RBFOX1: variants seen among roughly 807,000 people sequenced by gnomAD.
RBFOX1 encodes RNA binding protein fox-1 homolog 1.
RBFOX1 carries 8 observed loss-of-function variants against 57.7 expected under a neutral mutation model. The observed-to-expected ratio is 0.14, with a 90% confidence interval of 0.08 to 0.25. RBFOX1 has a LOEUF of 0.25. Ranked by LOEUF, RBFOX1 falls within the 10% of genes least tolerant of loss-of-function variation. RBFOX1 has a pLI of 1.00. For synonymous variants in RBFOX1, 326 were observed against 222.4 expected, an observed-to-expected ratio of 1.47 and a Z score of -4.15; for missense variants, 611 against 548.5, an observed-to-expected ratio of 1.11 and a Z score of -1.14.
intron 3 of RBFOX1, among the ~76,000 whole-genome samples, chr16:6,865,145 G>T (rs542019034): frequency 1.3e-5 from 2 of 151,692 alleles, no homozygotes; most frequent in East Asian, 3.9e-4. Context: ...TGGGATTACA[G>T]GTGCCCACCA....
chr16:7,504,770 TTTA>T (rs1403981416), intron 4 of RBFOX1, among the ~76,000 whole-genome samples: 3 of 12,112 alleles, frequency 2.5e-4, no homozygotes, highest in Non-Finnish European at 8.7e-4. Context: ...TATATATATA[TTTA>T]TATATATATA....
chr16:5,570,854 T>A (rs1052843736), intron 2 of RBFOX1, among the ~76,000 whole-genome samples: 14 of 126,850 alleles, frequency 1.1e-4, no homozygotes, highest in Admixed American at 1.6e-4. Flanking sequence ...AAAAAAAAAA[T>A]AAAGCATTTC....
At chr16:7,515,577 C>T (rs2076183497) in intron 4 of RBFOX1, among the ~76,000 whole-genome samples, 1 of 151,992 alleles carries the variant, frequency 6.6e-6, no homozygotes, top group Non-Finnish European at 1.5e-5. Flanking sequence ...ATACATATGT[C>T]AAAACATCAA....
At chr16:5,755,398 C>G (rs920949744) in intron 3 of RBFOX1, among the ~76,000 whole-genome samples, 7 of 152,168 alleles carry the variant, frequency 4.6e-5, no homozygotes, top group Admixed American at 3.3e-4. Flanking sequence ...GAGGCCAAGA[C>G]TGGGAGACCA....
At chr16:6,252,456 G>A (rs2097623828) in intron 1 of RBFOX1, among the ~76,000 whole-genome samples, 1 of 152,108 alleles carries the variant, frequency 6.6e-6, no homozygotes, top group Non-Finnish European at 1.5e-5. Flanking sequence ...GTGTAGTTTT[G>A]CAATGACTAT....
rs191691954 is a variant in RBFOX1, at chr16:7,194,615, G to A, written c.27+142517G>A. ...TCTACCCCTTTCCCAGAAACACTTC[G>A]TTTTATTACATTTAGAAAGTGGTGA... On this transcript the variant is annotated intron_variant, in intron 4 of 15. Coordinates refer to ENST00000550418, the MANE Select transcript of RBFOX1 (RefSeq NM_018723.4). 3.3e-5 allele frequency among the ~76,000 whole-genome samples: 5 copies of A among 152,144 alleles called. No individual in the cohort carries two copies. The East Asian group carries it at 7.7e-4, about 23-fold the overall frequency.
At chr16:5,258,904 G>T (rs1242644660) in intron 1 of RBFOX1, among the ~76,000 whole-genome samples, 2 of 150,502 alleles carry the variant, frequency 1.3e-5, no homozygotes, top group Admixed American at 6.6e-5. Flanking sequence ...TGGCAAGAAC[G>T]AATCTCTGAA....
chr16:5,653,302 A>C (rs1321094908), intron 3 of RBFOX1, among the ~76,000 whole-genome samples: 1 of 60,498 alleles, frequency 1.7e-5, no homozygotes, highest in Non-Finnish European at 3.3e-5. Context: ...GCTGGGCTTC[A>C]GTGCAGAAGG....
chr16:7,291,266 G>T (rs1440566199), intron 4 of RBFOX1, among the ~76,000 whole-genome samples: 1 of 152,142 alleles, frequency 6.6e-6, no homozygotes, highest in Non-Finnish European at 1.5e-5. Flanking sequence ...TTGAACAGAA[G>T]ACAGACATCC....
At chr16:5,255,322 T>TTCCTTCCATCCATCCATCCATCCA (rs2062557812) in intron 1 of RBFOX1, among the ~76,000 whole-genome samples, 9 of 119,372 alleles carry the variant, frequency 7.5e-5, no homozygotes, top group Non-Finnish European at 1.4e-4. Context: ...CCACACTTCC[T>TTCCTTCCATCCATCCATCCATCCA]TCCATCCATC....
chr16:5,538,001 A>G (rs967035522), intron 2 of RBFOX1, among the ~76,000 whole-genome samples: 1 of 152,216 alleles, frequency 6.6e-6, no homozygotes. Context: ...TAAGGTCAGC[A>G]TAAGAACCAC....
chr16:5,500,608 A>G (rs1383990036), intron 2 of RBFOX1, among the ~76,000 whole-genome samples: 9 of 152,160 alleles, frequency 5.9e-5, no homozygotes, highest in Admixed American at 5.9e-4. Context: ...GTCAGGACCT[A>G]GAGTTCTCTC....
At chr16:5,915,551 G>T (rs1232419659) in intron 4 of RBFOX1, among the ~76,000 whole-genome samples, 1 of 152,096 alleles carries the variant, frequency 6.6e-6, no homozygotes. Flanking sequence ...TAGAAGACAG[G>T]CTGGGCGCCG....
chr16:7,507,290 A>T (rs191351435), intron 4 of RBFOX1, among the ~76,000 whole-genome samples: 15 of 152,308 alleles, frequency 9.8e-5, no homozygotes, highest in African/African-American at 3.6e-4. Context: ...GTTTTCATGA[A>T]ACAATATAAA....
At chr16:6,924,353 G>T (rs560297075) in intron 3 of RBFOX1, among the ~76,000 whole-genome samples, 2 of 152,156 alleles carry the variant, frequency 1.3e-5, no homozygotes, top group Admixed American at 6.5e-5. Flanking sequence ...GGGCAGGGAA[G>T]AGGAACACGC....
chr16:7,632,431 A>T (rs2061127270), intron 11 of RBFOX1, among the ~76,000 whole-genome samples: 1 of 152,166 alleles, frequency 6.6e-6, no homozygotes, highest in South Asian at 2.1e-4. Flanking sequence ...AGCCTTGTGT[A>T]TTCCTCTCAA....
intron 3 of RBFOX1, among the ~76,000 whole-genome samples, chr16:7,020,015 C>G (rs1303899192): frequency 8.6e-5 from 13 of 151,086 alleles, no homozygotes; most frequent in Admixed American, 7.9e-4. Flanking sequence ...TGCTGCTACC[C>G]TCAGGAAGGC....
At chr16:5,588,405 C>T (rs183704536) in intron 2 of RBFOX1, among the ~76,000 whole-genome samples, 32 of 152,266 alleles carry the variant, frequency 2.1e-4, no homozygotes, top group African/African-American at 6.7e-4. Flanking sequence ...GCACAGAGGC[C>T]GAGTCCCCTT....
intron 2 of RBFOX1, among the ~76,000 whole-genome samples, chr16:6,570,213 A>G (rs1259045852): frequency 6.6e-6 from 1 of 152,126 alleles, no homozygotes; most frequent in African/African-American, 2.4e-5. Context: ...ATGGATTTAT[A>G]TTTTCAGTTT....
Sources: allele counts gnomAD v4.1 joint callset (sites outside exome capture counted in the v4.1 genomes callset), GRCh38; gene constraint gnomAD v4.1.1; transcripts MANE v1.5; gene names NCBI Gene and HGNC (gene_info 2026-07-23, HGNC 2026-07-21).